The following RCAN2 variants were observed in gnomAD, a reference collection of about 807,000 sequenced individuals.
RCAN2 encodes the protein calcipressin-2.
In RCAN2, 9 loss-of-function variants were observed where a neutral mutation model predicts 23.6. The ratio of observed to expected loss-of-function variants is 0.38; its 90% confidence interval spans 0.23 to 0.67. The LOEUF is 0.67. Among genes scored for constraint, RCAN2 ranks in the 30% least tolerant of loss-of-function variants. The pLI is 0.51. For synonymous variants in RCAN2, 109 were observed against 115.7 expected, an observed-to-expected ratio of 0.94 and a Z score of 0.37; for missense variants, 273 against 302.3, an observed-to-expected ratio of 0.90 and a Z score of 0.72.
At position 46,429,721 on chromosome 6, in the gene RCAN2, T is replaced by A. The variant is rs563065541; in HGVS notation, c.225+27031A>T. Among the ~76,000 whole-genome samples the A allele has an allele frequency of 2.6e-5, 4 of 152,282 alleles. 1 individual carries two copies. The South Asian group carries it at 8.3e-4, about 32-fold the overall frequency. ...TGCCCTTATGGACCCTAGGGTCTAATGTGAAGATGTTAGTTAACAATCACA... is the reference window on the plus strand; with the variant it reads ...TGCCCTTATGGACCCTAGGGTCTAAAGTGAAGATGTTAGTTAACAATCACA... On this transcript the variant is annotated intron_variant, in intron 2 of 4. Transcript: ENST00000371374.
intron 2 of RCAN2, among the ~76,000 whole-genome samples, chr6:46,425,896 C>CTTTTT (rs1049166361): frequency 8.1e-4 from 103 of 126,624 alleles, no homozygotes; most frequent in Non-Finnish European, 1.1e-3. Context: ...TTCTTTCTTT[C>CTTTTT]TTTTTTTTTT....
intron 2 of RCAN2, among the ~76,000 whole-genome samples, chr6:46,397,712 T>C (rs1766137447): frequency 6.6e-6 from 1 of 152,210 alleles, no homozygotes; most frequent in Non-Finnish European, 1.5e-5. Context: ...TTCATTTTAT[T>C]AGTCAGCTCT....
chr6:46,268,112 G>C (rs1161872315), intron 2 of RCAN2, among the ~76,000 whole-genome samples: 2 of 152,170 alleles, frequency 1.3e-5, no homozygotes, highest in African/African-American at 2.4e-5. Flanking sequence ...TAAGTTTCTT[G>C]ACCTGTGGGA....
intron 2 of RCAN2, among the ~76,000 whole-genome samples, chr6:46,419,911 A>G (rs1766827692): frequency 1.3e-5 from 2 of 152,228 alleles, no homozygotes; most frequent in Non-Finnish European, 1.5e-5. Flanking sequence ...ATGATTTCAT[A>G]AAAACATTAA....
chr6:46,299,292 A>T (rs550465800), intron 2 of RCAN2, among the ~76,000 whole-genome samples: 1 of 152,184 alleles, frequency 6.6e-6, no homozygotes, highest in East Asian at 1.9e-4. Flanking sequence ...CCAGAGTCAC[A>T]TCATCAATGC....
At chr6:46,357,065 T>A (rs1764854497) in intron 2 of RCAN2, among the ~76,000 whole-genome samples, 1 of 152,186 alleles carries the variant, frequency 6.6e-6, no homozygotes, top group Admixed American at 6.5e-5. Context: ...TATTTGGGTA[T>A]CTCAGGATTA....
chr6:46,414,805 T>C (rs896050263), intron 2 of RCAN2, among the ~76,000 whole-genome samples: 1 of 152,246 alleles, frequency 6.6e-6, no homozygotes, highest in Non-Finnish European at 1.5e-5. Flanking sequence ...TCTGTCTATA[T>C]ATGTGCACAC....
At chr6:46,434,202 T>C (rs952060630) in intron 2 of RCAN2, among the ~76,000 whole-genome samples, 2 of 152,240 alleles carry the variant, frequency 1.3e-5, no homozygotes, top group Admixed American at 1.3e-4. Flanking sequence ...ATTACCACAG[T>C]GATAAAAGTG....
At chr6:46,487,210 G>A (rs1025311100) in intron 1 of RCAN2, among the ~76,000 whole-genome samples, 1 of 152,152 alleles carries the variant, frequency 6.6e-6, no homozygotes, top group Non-Finnish European at 1.5e-5. Context: ...CTCCTTATAA[G>A]CTGGCAAAAG....
At chr6:46,333,728 T>A (rs1483990211) in intron 2 of RCAN2, among the ~76,000 whole-genome samples, 1 of 152,230 alleles carries the variant, frequency 6.6e-6, no homozygotes, top group Non-Finnish European at 1.5e-5. Flanking sequence ...CAGTGAAGCT[T>A]TGATTTGCAT....
At chr6:46,342,892 T>C (rs1764373457) in intron 2 of RCAN2, among the ~76,000 whole-genome samples, 1 of 152,108 alleles carries the variant, frequency 6.6e-6, no homozygotes, top group South Asian at 2.1e-4. Flanking sequence ...AGACTAGATT[T>C]AAAATAGGGA....
intron 2 of RCAN2, among the ~76,000 whole-genome samples, chr6:46,383,504 T>C (rs1765664313): frequency 6.6e-6 from 1 of 152,178 alleles, no homozygotes; most frequent in African/African-American, 2.4e-5. Context: ...ATAATTCTAG[T>C]CATCTGGATA....
At chr6:46,489,416 A>G (rs1401330448) in intron 1 of RCAN2, among the ~76,000 whole-genome samples, 2 of 152,252 alleles carry the variant, frequency 1.3e-5, no homozygotes, top group African/African-American at 4.8e-5. Flanking sequence ...AGCACACAGG[A>G]GGTGCTCAAC....
chr6:46,343,565 C>A (rs188788733), intron 2 of RCAN2, among the ~76,000 whole-genome samples: 2 of 151,848 alleles, frequency 1.3e-5, no homozygotes, highest in South Asian at 4.2e-4. Context: ...TTAGTAGAGA[C>A]GGGGTTTCAC....
In RCAN2 at chr6:46,479,675, CG is replaced by C. The variant is rs1561922321; in HGVS notation, c.-3+11497del. Reference sequence around the variant, plus strand: ...TGAGCTCACTGCAGCCTCTGCCTCCCGGGTTCAAGCAATTCTCCTGCCTCAG... The same window carrying C: ...TGAGCTCACTGCAGCCTCTGCCTCCCGGTTCAAGCAATTCTCCTGCCTCAG... On this transcript the variant is annotated intron_variant, in intron 1 of 4. Coordinates refer to ENST00000371374, the MANE Select transcript of RCAN2 (RefSeq NM_001251974.2). Among the ~76,000 whole-genome samples the C allele has an allele frequency of 8.7e-5, 13 of 149,814 alleles. No individual in the cohort carries two copies. The South Asian group carries it at 1.9e-3, about 22-fold the overall frequency.
At chr6:46,469,732 T>C (rs574266467) in intron 1 of RCAN2, among the ~76,000 whole-genome samples, 1 of 152,262 alleles carries the variant, frequency 6.6e-6, no homozygotes, top group South Asian at 2.1e-4. Flanking sequence ...CCCTCCTAAA[T>C]GTAGGTGTTG....
At chr6:46,423,901 A>G (rs912525078) in intron 2 of RCAN2, among the ~76,000 whole-genome samples, 5 of 152,210 alleles carry the variant, frequency 3.3e-5, no homozygotes, top group African/African-American at 7.2e-5. Context: ...ATTCAATCAC[A>G]TCAGCCCTCT....
intron 2 of RCAN2, among the ~76,000 whole-genome samples, chr6:46,280,548 C>A (rs180782679): frequency 1.5e-3 from 230 of 152,176 alleles, no homozygotes; most frequent in African/African-American, 5.3e-3. Context: ...ATAGCAGGCA[C>A]CTCCAGATAC....
intron 2 of RCAN2, among the ~76,000 whole-genome samples, chr6:46,380,679 A>C (rs1765596906): frequency 1.3e-5 from 2 of 152,200 alleles, no homozygotes; most frequent in Non-Finnish European, 1.5e-5. Flanking sequence ...TCTAGGACTA[A>C]AGAAACCTGA....
Sources: allele counts gnomAD v4.1 joint callset (sites outside exome capture counted in the v4.1 genomes callset), GRCh38; gene constraint gnomAD v4.1.1; transcripts MANE v1.5; gene names NCBI Gene and HGNC (gene_info 2026-07-23, HGNC 2026-07-21).